Variants in PRKN observed in about 807,000 individuals in gnomAD.
PRKN encodes the protein parkin RBR E3 ubiquitin protein ligase, also known as E3 ubiquitin-protein ligase parkin.
In PRKN, 56 loss-of-function variants were observed where a neutral mutation model predicts 59.5. The observed-to-expected ratio is 0.94, with a 90% CI of 0.76 to 1.18. The LOEUF (loss-of-function observed/expected upper bound fraction) is 1.18, where lower values mean the gene tolerates loss of function less well. PRKN is among the 50% of genes most tolerant of loss of function. PRKN has a pLI of 0.00. For synonymous variants in PRKN, 250 were observed against 222.1 expected, an observed-to-expected ratio of 1.13 and a Z score of -1.12; for missense variants, 657 against 596.4, an observed-to-expected ratio of 1.10 and a Z score of -1.06.
At position 161,436,461 on chromosome 6, in the gene PRKN, G is replaced by A. The variant is rs77679284; in HGVS notation, c.1084-49584C>T. 2.0e-4 allele frequency among the ~76,000 whole-genome samples: 8 copies of A among 39,440 alleles called. No homozygotes were observed. In the East Asian group the frequency reaches 0.086, roughly 425 times the overall value. 25.9% of individuals were successfully genotyped at this position (39,440 alleles called of 152,430 possible). ...CTCTCTGCAAACTCAAGACTTTTTT[G>A]GGGGGGGGTGGGCGGAGAGTGCAAA... is the stretch of plus-strand genomic sequence containing the variant. On this transcript the variant is annotated intron_variant, in intron 9 of 11. Coordinates refer to ENST00000366898, the MANE Select transcript of PRKN (RefSeq NM_004562.3).
At chr6:162,400,661 C>A (rs1787747563) in intron 2 of PRKN, among the ~76,000 whole-genome samples, 1 of 151,994 alleles carries the variant, frequency 6.6e-6, no homozygotes, top group Non-Finnish European at 1.5e-5. Flanking sequence ...TGCACTTTGT[C>A]CTGACTGTAA....
intron 4 of PRKN, among the ~76,000 whole-genome samples, chr6:162,116,513 A>T (rs1403825408): frequency 6.6e-6 from 1 of 152,202 alleles, no homozygotes; most frequent in Non-Finnish European, 1.5e-5. Flanking sequence ...CTTTTCAATC[A>T]GCTAGAATCC....
chr6:161,757,856 T>A (rs1460075199), intron 7 of PRKN, among the ~76,000 whole-genome samples: 1 of 96,206 alleles, frequency 1.0e-5, no homozygotes, highest in Non-Finnish European at 2.0e-5. Flanking sequence ...TCTCTCTCTC[T>A]CTCTCTCTCT....
intron 6 of PRKN, among the ~76,000 whole-genome samples, chr6:161,908,995 G>A (rs1778254590): frequency 6.6e-6 from 1 of 152,136 alleles, no homozygotes; most frequent in Admixed American, 6.5e-5. Context: ...TTGAAGAGAG[G>A]CCTGTAATGT....
At chr6:161,703,833 CTCTCTCTTTTTTTTTTTTT>C (rs1168300163) in intron 7 of PRKN, among the ~76,000 whole-genome samples, 10 of 127,604 alleles carry the variant, frequency 7.8e-5, no homozygotes, top group Admixed American at 2.4e-4. Flanking sequence ...CTCTCTCTCT[CTCTCTCTTTTTTTTTTTTT>C]TTTTTTTTTT....
chr6:161,647,486 G>GCCA (rs1187273109), intron 7 of PRKN, among the ~76,000 whole-genome samples: 2 of 152,190 alleles, frequency 1.3e-5, no homozygotes, highest in East Asian at 3.9e-4. Flanking sequence ...GACAAGTGCA[G>GCCA]CCACCACCAC....
intron 7 of PRKN, among the ~76,000 whole-genome samples, chr6:161,662,718 G>C (rs943956531): frequency 6.6e-6 from 1 of 152,084 alleles, no homozygotes; most frequent in South Asian, 2.1e-4. Context: ...TTCCTAACCT[G>C]TATCTGAAAC....
At chr6:162,660,656 G>A (rs1778843356) in intron 1 of PRKN, among the ~76,000 whole-genome samples, 1 of 152,088 alleles carries the variant, frequency 6.6e-6, no homozygotes, top group Non-Finnish European at 1.5e-5. Flanking sequence ...GCTCCTGGAG[G>A]TAGAACTCAT....
intron 4 of PRKN, among the ~76,000 whole-genome samples, chr6:162,072,990 C>G (rs548449012): frequency 2.0e-5 from 3 of 152,182 alleles, no homozygotes; most frequent in Non-Finnish European, 4.4e-5. Flanking sequence ...TGCAATTTCA[C>G]TTGAGTATCA....
intron 2 of PRKN, among the ~76,000 whole-genome samples, chr6:162,394,047 ATT>A (rs200008115): frequency 6.6e-6 from 1 of 152,062 alleles, no homozygotes; most frequent in Non-Finnish European, 1.5e-5. Context: ...AGTATCCAAA[ATT>A]TTTTTTGTTA....
chr6:161,891,940 A>AAT (rs1795358820), intron 6 of PRKN, among the ~76,000 whole-genome samples: 1 of 151,214 alleles, frequency 6.6e-6, no homozygotes, highest in Non-Finnish European at 1.5e-5. Flanking sequence ...ACATCTCACA[A>AAT]ATATTCCTGT....
intron 5 of PRKN, among the ~76,000 whole-genome samples, chr6:161,978,772 C>T (rs1308991407): frequency 6.6e-6 from 1 of 152,228 alleles, no homozygotes; most frequent in Non-Finnish European, 1.5e-5. Context: ...GTGGTTATGC[C>T]TGAGGCAAGG....
In PRKN at chr6:162,021,119, CATATATATATATATATAT is replaced by C. The variant is rs869269519; in HGVS notation, c.618+32954_618+32971del. ...CTCTGTCTCAAAAAAAAAACAAAAA[CATATATATATATATATAT>C]ATATATATATATATATATATATATA... On this transcript the variant is annotated intron_variant, in intron 5 of 11. Coordinates refer to ENST00000366898, the MANE Select transcript of PRKN (RefSeq NM_004562.3). Among the ~76,000 whole-genome samples, 147 of 46,570 alleles carry C rather than the reference CATATATATATATATATAT, an allele frequency of 3.2e-3. 12 individuals are homozygous for C. The highest frequency in any genetic ancestry group is 0.011 in the East Asian group (10 of 912). The allele number at this position is 46,570 out of a possible 152,430, so 30.6% of individuals were successfully genotyped here. A position where few individuals can be genotyped will look rare whatever the true frequency, so the allele number is the denominator to read the frequency against.
intron 4 of PRKN, among the ~76,000 whole-genome samples, chr6:162,166,660 G>T (rs73018735): frequency 0.032 from 4,807 of 152,238 alleles, 127 homozygotes; most frequent in Non-Finnish European, 0.048. Context: ...AGACGAATTG[G>T]TAAGTGGATG....
chr6:162,094,245 G>A (rs1396679589), intron 4 of PRKN, among the ~76,000 whole-genome samples: 3 of 152,198 alleles, frequency 2.0e-5, no homozygotes, highest in East Asian at 1.9e-4. Context: ...AGTCCAACAC[G>A]TTGGGAGCCT....
At chr6:161,735,546 TAC>T (rs1446655295) in intron 7 of PRKN, among the ~76,000 whole-genome samples, 1 of 152,196 alleles carries the variant, frequency 6.6e-6, no homozygotes, top group Non-Finnish European at 1.5e-5. Flanking sequence ...TCAAAAGTTG[TAC>T]ACAGATTTGC....
intron 7 of PRKN, among the ~76,000 whole-genome samples, chr6:161,594,723 G>C (rs1178196550): frequency 1.4e-5 from 1 of 70,936 alleles, no homozygotes; most frequent in African/African-American, 1.5e-4. Flanking sequence ...ATTTCAAGTT[G>C]ACTGAATAAC....
chr6:162,671,789 AAAC>A (rs1779330227), intron 1 of PRKN, among the ~76,000 whole-genome samples: 3 of 151,874 alleles, frequency 2.0e-5, no homozygotes, highest in Admixed American at 2.0e-4. Context: ...TTAAATATAA[AAAC>A]AAAAATATTA....
intron 2 of PRKN, among the ~76,000 whole-genome samples, chr6:162,320,377 A>AG (rs1197181008): frequency 6.8e-6 from 1 of 146,826 alleles, no homozygotes; most frequent in East Asian, 2.0e-4. Flanking sequence ...AAAAAAAAAA[A>AG]AAAAAAACCA....
Sources: allele counts gnomAD v4.1 joint callset (sites outside exome capture counted in the v4.1 genomes callset), GRCh38; gene constraint gnomAD v4.1.1; transcripts MANE v1.5; gene names NCBI Gene and HGNC (gene_info 2026-07-23, HGNC 2026-07-21).